Variants in NALCN observed in about 807,000 individuals in gnomAD.
NALCN encodes sodium leak channel NALCN.
A neutral mutation model predicts 225.3 loss-of-function variants in NALCN; 111 were observed. The ratio of observed to expected loss-of-function variants is 0.49; its 90% CI spans 0.42 to 0.58. NALCN has a LOEUF of 0.58. NALCN is among the 20% of genes least tolerant of loss of function. NALCN has a pLI of 0.00. For synonymous variants in NALCN, 764 were observed against 769.0 expected (o/e 0.99, Z 0.11); for missense variants, 1,378 against 2,202.4 (o/e 0.63, Z 7.49).
chr13:101,413,884 T>C (rs921197682), intron 1 of NALCN, among the ~76,000 whole-genome samples: 1 of 152,130 alleles, frequency 6.6e-6, no homozygotes, highest in Non-Finnish European at 1.5e-5. Context: ...AGGGGCATTC[T>C]TTTTTTATTT....
At chr13:101,296,099 T>A (rs1230465298) in intron 7 of NALCN, among the ~76,000 whole-genome samples, 1 of 152,128 alleles carries the variant, frequency 6.6e-6, no homozygotes. Context: ...TCAGCTACAC[T>A]AGGCAATGGC....
Position 101,392,973 on chromosome 13 carries a change from A to C in NALCN, c.291+2210T>G, listed in dbSNP as rs560544957. On this transcript the variant is annotated intron_variant, in intron 3 of 43. Coordinates refer to ENST00000251127, the MANE Select transcript of NALCN (RefSeq NM_052867.4). ...ACCAAGAATGTGCAAAATCTGTATG[A>C]GGAAACCTACAAAACTCTCCTGTAT... is the stretch of plus-strand genomic sequence containing the variant. 2.8e-4 allele frequency among the ~76,000 whole-genome samples: 42 copies of C among 152,364 alleles called. No individual in the cohort carries two copies. In the Middle Eastern group the frequency reaches 0.024, roughly 86 times the overall value.
chr13:101,147,152 C>T (rs1368577258), intron 15 of NALCN, among the ~76,000 whole-genome samples: 1 of 152,134 alleles, frequency 6.6e-6, no homozygotes, highest in African/African-American at 2.4e-5. Context: ...TCCTAAAAGC[C>T]TCTAGGCCTG....
chr13:101,111,064 C>G (rs1053912580), intron 19 of NALCN, 61 bp downstream of exon 19: 2 of 1,525,920 alleles, frequency 1.3e-6, no homozygotes, highest in Non-Finnish European at 1.8e-6. Context: ...GTACAGCGAC[C>G]ATTTCCTGTA....
intron 14 of NALCN, among the ~76,000 whole-genome samples, chr13:101,186,675 A>C (rs2039461404): frequency 6.6e-6 from 1 of 152,142 alleles, no homozygotes. Flanking sequence ...AAGTTTGAAC[A>C]GTTTACCTTT....
intron 27 of NALCN, among the ~76,000 whole-genome samples, chr13:101,096,921 A>G (rs190413558): frequency 2.0e-5 from 3 of 152,172 alleles, no homozygotes; most frequent in Admixed American, 1.3e-4. Context: ...TTCAACAAAA[A>G]TTCCATTTTA....
chr13:101,201,932 A>G (rs2040139705), intron 13 of NALCN, among the ~76,000 whole-genome samples: 1 of 152,196 alleles, frequency 6.6e-6, no homozygotes, highest in Admixed American at 6.5e-5. Context: ...ATATCTTACT[A>G]TAAGACAGCC....
intron 6 of NALCN, among the ~76,000 whole-genome samples, chr13:101,364,328 A>G (rs1044590544): frequency 1.3e-5 from 2 of 152,154 alleles, no homozygotes; most frequent in African/African-American, 2.4e-5. Flanking sequence ...CTAACTGCCC[A>G]CCAATGGATA....
chr13:101,307,398 T>C (rs2044189088), intron 7 of NALCN, among the ~76,000 whole-genome samples: 1 of 152,178 alleles, frequency 6.6e-6, no homozygotes, highest in South Asian at 2.1e-4. Context: ...ACCAACACAC[T>C]GGCAAGTCGT....
At chr13:101,151,145 G>T (rs1444718556) in intron 15 of NALCN, among the ~76,000 whole-genome samples, 1 of 152,184 alleles carries the variant, frequency 6.6e-6, no homozygotes, top group Non-Finnish European at 1.5e-5. Flanking sequence ...CTCAGCATCT[G>T]CCTGGCTGAG....
chr13:101,414,154 G>A (rs1166482595), intron 1 of NALCN, among the ~76,000 whole-genome samples: 3 of 151,866 alleles, frequency 2.0e-5, no homozygotes, highest in Admixed American at 1.3e-4. Flanking sequence ...CAAAGTGCTG[G>A]GATTATAGGC....
chr13:101,086,371 T>C (rs1053849026), intron 30 of NALCN, among the ~76,000 whole-genome samples: 15 of 152,124 alleles, frequency 9.9e-5, no homozygotes, highest in African/African-American at 3.6e-4. Flanking sequence ...AGTTTTTGTA[T>C]ATGACGCTAT....
intron 17 of NALCN, among the ~76,000 whole-genome samples, chr13:101,141,760 G>A (rs765873569): frequency 9.9e-5 from 15 of 152,142 alleles, no homozygotes; most frequent in Admixed American, 6.6e-5. Flanking sequence ...GAAAGAAAGC[G>A]GAGAGAAAGA....
Position 101,073,699 on chromosome 13 carries a change from A to C in NALCN, c.4104-22T>G, listed in dbSNP as rs894180169. ...ATGCCTAATTTAAGAAAAAAAAATT[A>C]ACAGAATGTGAATTATAGAAGGGTT... On this transcript the variant is annotated intron_variant, in intron 36 of 43. Coordinates refer to ENST00000251127, the MANE Select transcript of NALCN (RefSeq NM_052867.4). The C allele has an allele frequency of 1.1e-5, 18 of 1,581,756 alleles. No individual in the cohort carries two copies. The Admixed American group carries it at 1.7e-4, about 15-fold the overall frequency.
intron 1 of NALCN, among the ~76,000 whole-genome samples, chr13:101,401,494 G>T (rs2139517905): frequency 6.6e-6 from 1 of 152,264 alleles, no homozygotes; most frequent in South Asian, 2.1e-4. Context: ...TTAGAGATCT[G>T]TCCACAATTC....
At chr13:101,203,828 T>C (rs1249578579) in intron 13 of NALCN, among the ~76,000 whole-genome samples, 1 of 152,192 alleles carries the variant, frequency 6.6e-6, no homozygotes, top group Non-Finnish European at 1.5e-5. Context: ...AGATCTTACC[T>C]ATAAAAGTTA....
At chr13:101,365,875 C>G (rs967304216) in intron 6 of NALCN, among the ~76,000 whole-genome samples, 5 of 152,148 alleles carry the variant, frequency 3.3e-5, no homozygotes, top group African/African-American at 1.2e-4. Context: ...ATTAAACTTT[C>G]ATATATTTAA....
chr13:101,166,262 T>C (rs9585636), intron 15 of NALCN, among the ~76,000 whole-genome samples: 77,551 of 152,088 alleles, frequency 0.51, 20,448 homozygotes, highest in East Asian at 0.69. Context: ...GATATACATA[T>C]CCAGAAGTAT....
intron 11 of NALCN, among the ~76,000 whole-genome samples, chr13:101,257,039 G>A (rs1326154042): frequency 5.3e-5 from 8 of 151,968 alleles, no homozygotes; most frequent in African/African-American, 1.4e-4. Context: ...CTGGGATTAC[G>A]GGCGTAAGCC....
Sources: gnomAD v4.1 joint callset for allele counts (sites outside exome capture counted in the v4.1 genomes callset) on GRCh38, gnomAD v4.1.1 for gene constraint, MANE v1.5 for transcripts, NCBI Gene and HGNC (gene_info 2026-07-23, HGNC 2026-07-21) for gene names.